Variants in AUNIP observed in about 807,000 individuals in gnomAD.
AUNIP encodes aurora kinase A and ninein interacting protein.
AUNIP carries 16 observed loss-of-function variants against 12.2 expected under a neutral mutation model. The observed-to-expected ratio is 1.31, with a 90% CI of 0.88 to 1.99. The LOEUF is 1.99. AUNIP is among the 30% of genes most tolerant of loss of function. AUNIP has a pLI of 0.00. For missense variants in AUNIP, 411 were observed against 419.1 expected (o/e 0.98, Z 0.17); for synonymous variants, 142 against 154.8 (o/e 0.92, Z 0.61).
downstream of AUNIP, chr1:25,832,355 T>G (rs917974189): frequency 9.8e-6 from 6 of 613,478 alleles, no homozygotes; most frequent in Non-Finnish European, 1.7e-5. Context: ...CTGACTTCAC[T>G]GCATTAGACC....
chr1:25,848,618 G>A (rs72879440), intron 1 of AUNIP, among the ~76,000 whole-genome samples: 1,884 of 152,194 alleles, frequency 0.012, 40 homozygotes, highest in African/African-American at 0.043. Context: ...GGAGCTTTGG[G>A]CCACACCAAA....
At position 25,834,837 on chromosome 1, in the gene AUNIP, C is replaced by T; in HGVS notation, c.*156G>A. ...CAATCCCACTGTCTTAACAATGGTA[C>T]TGCCCTTTATTTACACAGAGAAGAT... On this transcript the variant is annotated 3_prime_UTR_variant, in exon 3 of 3. Transcript: ENST00000374298. The T allele has an allele frequency of 6.8e-7, 1 of 1,466,620 alleles. No individual in the cohort carries two copies. Among genetic ancestry groups the T allele is most frequent in the Non-Finnish European group, 9.0e-7 (1 of 1,116,998 alleles). The allele number at this position is 1,466,620 out of a possible 1,614,324, so 90.9% of individuals were successfully genotyped here.
At chr1:25,852,518 C>T (rs1374689786) in intron 1 of AUNIP, among the ~76,000 whole-genome samples, 3 of 146,736 alleles carry the variant, frequency 2.0e-5, no homozygotes, top group Non-Finnish European at 3.0e-5. Context: ...GAGTTCACTG[C>T]AACCTCCGCC....
Position 25,834,858 on chromosome 1 carries a change from A to G in AUNIP, c.*135T>C. On this transcript the variant is annotated 3_prime_UTR_variant, in exon 3 of 3. Transcript: ENST00000374298. ...GGTACTGCCCTTTATTTACACAGAG[A>G]AGATGCTCAGTAATGACAACTTCAT... The G allele has an allele frequency of 6.7e-7, 1 of 1,496,134 alleles. No homozygotes were observed. Among genetic ancestry groups the G allele is most frequent in the East Asian group, 2.3e-5 (1 of 43,838 alleles). 92.7% of individuals were successfully genotyped at this position (1,496,134 alleles called of 1,614,324 possible).
intron 1 of AUNIP, among the ~76,000 whole-genome samples, chr1:25,851,909 A>G (rs991072135): frequency 6.6e-6 from 1 of 151,692 alleles, no homozygotes; most frequent in Non-Finnish European, 1.5e-5. Flanking sequence ...TAATTTCTGT[A>G]TTTTTAGTAG....
At chr1:25,848,430 T>C (rs2745539) in intron 1 of AUNIP, among the ~76,000 whole-genome samples, 40,831 of 143,124 alleles carry the variant, frequency 0.29, 7,204 homozygotes, top group African/African-American at 0.5. Context: ...CGCAGTGAGT[T>C]GAGATCGTGC....
In AUNIP at chr1:25,847,324, C is replaced by T. The variant is rs146970624; in HGVS notation, c.79-9770G>A. On this transcript the variant is annotated intron_variant, in intron 1 of 2. Transcript: ENST00000374298. The surrounding 1 kb of genome is among the most constrained non-coding windows in gnomAD (Gnocchi z 4.2). ...TCACCGAGGCTGGACTGCAGTAGCGCGATATTGGCTCACCACAACCTCTGC... is the reference window on the plus strand; with the variant it reads ...TCACCGAGGCTGGACTGCAGTAGCGTGATATTGGCTCACCACAACCTCTGC... 6.5e-4 allele frequency among the ~76,000 whole-genome samples: 99 copies of T among 152,154 alleles called. No individual in the cohort carries two copies. The highest frequency in any genetic ancestry group is 2.3e-3 in the African/African-American group (96 of 41,502).
intron 1 of AUNIP, among the ~76,000 whole-genome samples, chr1:25,839,839 G>A (rs908396989): frequency 6.6e-6 from 1 of 151,986 alleles, no homozygotes; most frequent in Non-Finnish European, 1.5e-5. Context: ...GCTAATTTTT[G>A]TATTTTTAGT....
rs2048291724 is a variant in AUNIP at position 25,835,372 on chromosome 1, T to C, written c.695A>G (p.Glu232Gly). ...CCQPLGKTKL[E>G]RKVSAKENRQ... The stretch of plus-strand genomic sequence containing the variant: ...GTTTTCTTTGGCAGACACCTTTCTT[T>C]CCAATTTAGTCTTGCCTAAGGGCTG... Residue 232 changes from glutamate to glycine, a missense_variant, in exon 3 of 3, where the codon GAA becomes GGA. Coordinates refer to ENST00000374298, the MANE Select transcript of AUNIP (RefSeq NM_024037.3). The C allele has an allele frequency of 6.2e-7, 1 of 1,614,260 alleles. No homozygotes were observed. Among genetic ancestry groups the C allele is most frequent in the Non-Finnish European group, 8.5e-7 (1 of 1,180,046 alleles).
chr1:25,856,604 G>A (rs867404614), intron 1 of AUNIP, among the ~76,000 whole-genome samples: 2 of 152,096 alleles, frequency 1.3e-5, no homozygotes, highest in African/African-American at 4.8e-5. Flanking sequence ...GAACCCAGGA[G>A]GTGGAGGTTG....
downstream of AUNIP, chr1:25,832,302 T>C (rs2048255932): frequency 7.4e-6 from 7 of 951,940 alleles, no homozygotes; most frequent in Admixed American, 1.5e-4. Flanking sequence ...AGAAGTTGTT[T>C]CTGGTTTTTC....
At chr1:25,832,098 T>G, downstream of AUNIP, 1 of 1,611,162 alleles carries the variant, frequency 6.2e-7, no homozygotes, top group Non-Finnish European at 8.5e-7. Context: ...TCACCGCAGA[T>G]GTTTCTGCCT....
intron 1 of AUNIP, among the ~76,000 whole-genome samples, chr1:25,848,094 C>T (rs1298812564): frequency 1.3e-5 from 2 of 149,834 alleles, no homozygotes; most frequent in Non-Finnish European, 2.9e-5. Context: ...TCTCAAATAA[C>T]CACTAATGGG....
At chr1:25,836,568 T>C (rs1338753066) in intron 2 of AUNIP, among the ~76,000 whole-genome samples, 1 of 152,218 alleles carries the variant, frequency 6.6e-6, no homozygotes, top group East Asian at 1.9e-4. Context: ...AAGATCTAAT[T>C]ATAAAAACAA....
chr1:25,853,938 C>T (rs1213327280), intron 1 of AUNIP, among the ~76,000 whole-genome samples: 4 of 152,116 alleles, frequency 2.6e-5, no homozygotes, highest in Admixed American at 1.3e-4. Flanking sequence ...AGTTACGGCC[C>T]GGCGCAGTGG....
chr1:25,832,627 T>C (rs1314872256), downstream of AUNIP: 1 of 167,858 alleles, frequency 6.0e-6, no homozygotes, highest in Non-Finnish European at 1.3e-5. Flanking sequence ...CTGTTTTTTT[T>C]CTTAAACACA....
In AUNIP at chr1:25,834,195, A is replaced by C; in HGVS notation, c.*798T>G. Reference sequence around the variant, plus strand: ...CACAAAAATAAAATAGGAAACTAGCACCATTCTACCTCTCTTCTCTCCACA... The same window carrying C: ...CACAAAAATAAAATAGGAAACTAGCCCCATTCTACCTCTCTTCTCTCCACA... On this transcript the variant is annotated 3_prime_UTR_variant, in exon 3 of 3. Coordinates refer to ENST00000374298, the MANE Select transcript of AUNIP (RefSeq NM_024037.3). 1 of 985,308 alleles carries C rather than the reference A, an allele frequency of 1.0e-6. No individual in the cohort carries two copies. Among genetic ancestry groups the C allele is most frequent in the Non-Finnish European group, 1.2e-6 (1 of 829,898 alleles). The allele number at this position is 985,308 out of a possible 1,614,324, so 61.0% of individuals were successfully genotyped here. A position where few individuals can be genotyped will look rare whatever the true frequency, so the allele number is the denominator to read the frequency against.
rs1310371469 is a variant in AUNIP at position 25,852,457 on chromosome 1, TTTGTTG to T, written c.78+6817_78+6822del. Among the ~76,000 whole-genome samples, 39 of 145,570 alleles carry T rather than the reference TTTGTTG, an allele frequency of 2.7e-4. 1 individual carries two copies. The highest frequency in any genetic ancestry group is 9.4e-4 in the African/African-American group (36 of 38,240). ...GATTAGATTATTTAAGGTTTTTTTTTTTGTTGTTTTTTTTTTTGAGACAGGAGTTTC... is the reference window on the plus strand; with the variant it reads ...GATTAGATTATTTAAGGTTTTTTTTTTTTTTTTTTTTGAGACAGGAGTTTC... On this transcript the variant is annotated intron_variant, in intron 1 of 2. Coordinates refer to ENST00000374298, the MANE Select transcript of AUNIP (RefSeq NM_024037.3).
Position 25,835,507 on chromosome 1 carries a change from C to G in AUNIP, c.560G>C (p.Arg187Pro). 1.2e-6 allele frequency: 2 copies of G among 1,614,188 alleles called. No individual in the cohort carries two copies. Among genetic ancestry groups the G allele is most frequent in the Non-Finnish European group, 1.7e-6 (2 of 1,180,046 alleles). Residue 187 changes from arginine to proline, a missense_variant, in exon 3 of 3, where the codon CGA becomes CCA. Coordinates refer to ENST00000374298, the MANE Select transcript of AUNIP (RefSeq NM_024037.3). The stretch of plus-strand genomic sequence containing the variant: ...GGCAGAATCCCCTTTTTCTTCCTTT[C>G]GGTCTAGCAAACAAGAACTTTCCAA... ...EDLESSCLLD[R>P]KEEKGDSARK...
Sources: gnomAD v4.1 joint callset for allele counts (sites outside exome capture counted in the v4.1 genomes callset) on GRCh38, gnomAD v4.1.1 for gene constraint, Gnocchi (gnomAD v3.1) non-coding constraint, MANE v1.5 for transcripts, NCBI Gene and HGNC (gene_info 2026-07-23, HGNC 2026-07-21) for gene names.